The following BRD3 variants were observed in gnomAD, a reference collection of about 807,000 sequenced individuals.
The protein encoded by BRD3 is bromodomain containing 3.
A neutral mutation model predicts 66.8 loss-of-function variants in BRD3; 17 were observed. The observed-to-expected ratio is 0.25, with a 90% confidence interval of 0.17 to 0.38. The LOEUF is 0.38. Among genes scored for constraint, BRD3 ranks in the 10% least tolerant of loss-of-function variants. BRD3 has a pLI of 1.00. For missense variants in BRD3, 713 were observed against 956.1 expected (o/e 0.75, Z 3.35); for synonymous variants, 421 against 393.2 (o/e 1.07, Z -0.84).
chr9:134,042,660 CACACACACACATAT>C (rs1588279711), intron 7 of BRD3, among the ~76,000 whole-genome samples: 4 of 147,616 alleles, frequency 2.7e-5, no homozygotes, highest in South Asian at 4.6e-4. Flanking sequence ...CACACACACA[CACACACACACATAT>C]ATATACACAC....
intron 1 of BRD3, among the ~76,000 whole-genome samples, chr9:134,059,822 C>T (rs1054858634): frequency 9.2e-5 from 14 of 152,208 alleles, no homozygotes; most frequent in African/African-American, 2.4e-4. Context: ...GCAAGGCCCC[C>T]TCAGGAAGGC....
At chr9:134,065,625 GC>G (rs1434689543) in intron 1 of BRD3, among the ~76,000 whole-genome samples, 1 of 152,154 alleles carries the variant, frequency 6.6e-6, no homozygotes, top group Non-Finnish European at 1.5e-5. Context: ...GGAAGAGTAG[GC>G]CCCGGTTCCC....
chr9:134,061,014 A>T (rs2519080), intron 1 of BRD3, among the ~76,000 whole-genome samples: 1 of 152,268 alleles, frequency 6.6e-6, no homozygotes, highest in South Asian at 2.1e-4. Flanking sequence ...GTGGACAAAC[A>T]GGGAGGGAAT....
Position 134,053,406 on chromosome 9 carries a change from C to CGCG in BRD3, c.71_72insCGC (p.Pro24_Glu25insAla). On this transcript the variant is annotated inframe_insertion, in exon 2 of 12. Coordinates refer to ENST00000303407, the MANE Select transcript of BRD3 (RefSeq NM_007371.4). ...CGGGCTTGCTGGGGTTGGAGACCTC[C>CGCG]GGGGGGGGTGGGTTCACAGGGCCCG... 1.2e-6 allele frequency: 1 copy of CGCG among 824,408 alleles called. No individual in the cohort carries two copies. The highest frequency in any genetic ancestry group is 1.8e-6 in the Non-Finnish European group (1 of 543,348). The allele number at this position is 824,408 out of a possible 1,614,324, so 51.1% of individuals were successfully genotyped here. A position where few individuals can be genotyped will look rare whatever the true frequency, so the allele number is the denominator to read the frequency against.
intron 3 of BRD3, among the ~76,000 whole-genome samples, 176 bp from the exon 4 acceptor site, chr9:134,051,885 TTTTG>T (rs375948796): frequency 4.1e-4 from 22 of 53,186 alleles, no homozygotes; most frequent in Non-Finnish European, 5.0e-4. Flanking sequence ...GTGTTGTTTT[TTTTG>T]TTTTTTTTTT....
At chr9:134,060,664 G>A (rs1166238661) in intron 1 of BRD3, among the ~76,000 whole-genome samples, 3 of 152,040 alleles carry the variant, frequency 2.0e-5, no homozygotes, top group Non-Finnish European at 2.9e-5. Context: ...CCAGCGGGGA[G>A]AGGGCAGTGG....
intron 1 of BRD3, among the ~76,000 whole-genome samples, chr9:134,066,919 G>A (rs1830671734): frequency 6.6e-6 from 1 of 152,180 alleles, no homozygotes. Context: ...CCTGCCCCCG[G>A]TGGGTCTCGG....
intron 9 of BRD3, chr9:134,036,566 A>C: frequency 2.5e-6 from 4 of 1,611,078 alleles, no homozygotes; most frequent in Non-Finnish European, 3.4e-6. Flanking sequence ...TAGGCGTCTC[A>C]AACTCCACAG....
At chr9:134,034,068 C>T (rs977319489) in intron 11 of BRD3, among the ~76,000 whole-genome samples, 1 of 152,112 alleles carries the variant, frequency 6.6e-6, no homozygotes, top group Non-Finnish European at 1.5e-5. Context: ...GGAGACAGAC[C>T]CCTTCAGCGG....
chr9:134,050,434 G>A lies in BRD3; in HGVS notation c.654C>T (p.Ala218=), dbSNP rs1830266369. 7 of 1,612,236 alleles carry A rather than the reference G, an allele frequency of 4.3e-6. No homozygotes were observed. Among genetic ancestry groups the A allele is most frequent in the South Asian group, 1.1e-5 (1 of 90,948 alleles). Residue 218 remains alanine, a synonymous_variant, in exon 5 of 12, where the codon GCC becomes GCT. Coordinates refer to ENST00000303407, the MANE Select transcript of BRD3 (RefSeq NM_007371.4). ...VTSVPVPPAA[A]PPPPATPIVP... ...CGATGGGTGTGGCAGGAGGAGGTGG[G>A]GCGGCAGCTGGGGGGACTGGGACCG...
In BRD3 at chr9:134,045,311, G is replaced by A; in HGVS notation, c.1197C>T (p.Ala399=). The A allele has an allele frequency of 6.2e-7, 1 of 1,613,506 alleles. No individual in the cohort carries two copies. Residue 399 remains alanine (A), a synonymous_variant, in exon 7 of 12, where the codon GCC becomes GCT. Transcript: ENST00000303407. This position sits in a 1 kb window ranked among gnomAD's most constrained non-coding sequence, Gnocchi z 4.8. The part of the protein sequence containing the change: ...KYNPPDHEVV[A]MARKLQDVFE... The stretch of plus-strand genomic sequence containing the variant: ...GGGTTACCTGGAGCTTCCGGGCCAT[G>A]GCCACAACCTCGTGGTCTGGGGGAT...
In BRD3 at chr9:134,032,072, G is replaced by A. The variant is rs1003510175; in HGVS notation, c.*1518C>T. 1 of 218,910 alleles carries A rather than the reference G, an allele frequency of 4.6e-6. No homozygotes were observed. The highest frequency in any genetic ancestry group is 2.3e-5 in the African/African-American group (1 of 44,352). 13.6% of individuals were successfully genotyped at this position (218,910 alleles called of 1,614,324 possible). On this transcript the variant is annotated 3_prime_UTR_variant, in exon 12 of 12. Coordinates refer to ENST00000303407, the MANE Select transcript of BRD3 (RefSeq NM_007371.4). ...AGCAGGCATGTCCACCCGCAAGCCT[G>A]GGAGGCTAACTCTGGCATTCCTGGC...
At chr9:134,062,438 A>C (rs972113587) in intron 1 of BRD3, among the ~76,000 whole-genome samples, 3 of 152,130 alleles carry the variant, frequency 2.0e-5, no homozygotes, top group Non-Finnish European at 4.4e-5. Context: ...TGCACCCACC[A>C]GTGCCTTCTA....
At chr9:134,037,867 T>G (rs1186487520) in intron 9 of BRD3, among the ~76,000 whole-genome samples, 1 of 152,122 alleles carries the variant, frequency 6.6e-6, no homozygotes, top group Non-Finnish European at 1.5e-5. Flanking sequence ...AATAAAAGGC[T>G]AATAGAGAAA....
chr9:134,052,674 G>C (rs1033271319), intron 2 of BRD3, among the ~76,000 whole-genome samples: 3 of 152,206 alleles, frequency 2.0e-5, no homozygotes, highest in African/African-American at 7.2e-5. Flanking sequence ...GGAGCCCACG[G>C]AGTTAGGGCA....
At position 134,030,369 on chromosome 9, in the gene BRD3, C is replaced by G. The variant is rs1459718339; in HGVS notation, c.*3221G>C. 1.9e-5 allele frequency: 3 copies of G among 154,594 alleles called. No homozygotes were observed. In the East Asian group the frequency reaches 3.7e-4, roughly 19 times the overall value. 9.6% of individuals were successfully genotyped at this position (154,594 alleles called of 1,614,324 possible). A position where few individuals can be genotyped will look rare whatever the true frequency, so the allele number is the denominator to read the frequency against. ...AAAACAAATGCCCCAGGAGAAGGGT[C>G]CATGATTACCAGAAACATCAAAGAG... On this transcript the variant is annotated 3_prime_UTR_variant, in exon 12 of 12. Transcript: ENST00000303407.
Position 134,041,863 on chromosome 9 carries a change from T to C in BRD3, c.1304A>G (p.Lys435Arg), listed in dbSNP as rs1433157657. ...LPAPAAPMVS[K>R]GAESSRSSEE... Reference sequence around the variant, plus strand: ...ACTGCTACGGCTGCTCTCAGCGCCCTTGCTCACCATGGGGGCCGCGGGGGC... The same window carrying C: ...ACTGCTACGGCTGCTCTCAGCGCCCCTGCTCACCATGGGGGCCGCGGGGGC... Residue 435 changes from lysine (K) to arginine (R), a missense_variant, in exon 8 of 12, where the codon AAG becomes AGG. Lys to Arg is a conservative substitution (Grantham distance 26). Around this residue, in one of 5 missense-constraint regions of BRD3, gnomAD observed 418 missense variants for 609.3 expected, o/e 0.69. Coordinates refer to ENST00000303407, the MANE Select transcript of BRD3 (RefSeq NM_007371.4). 6.2e-7 allele frequency: 1 copy of C among 1,612,698 alleles called. No homozygotes were observed. The highest frequency in any genetic ancestry group is 8.5e-7 in the Non-Finnish European group (1 of 1,179,660).
chr9:134,051,847 A>ATGTGTGTGTGTGTGTGTGTG lies in BRD3; in HGVS notation c.352-158_352-139dup, dbSNP rs752502651. 7.9e-6 allele frequency: 4 copies of ATGTGTGTGTGTGTGTGTGTG among 508,060 alleles called. No individual in the cohort carries two copies. The African/African-American group carries it at 1.3e-4, about 17-fold the overall frequency. 31.5% of individuals were successfully genotyped at this position (508,060 alleles called of 1,614,324 possible). ...GCGCAGGAGAGAACAAAATGAATAT[A>ATGTGTGTGTGTGTGTGTGTG]TGTGTGTGTGTGTGTGTGTGTGTGT... On this transcript the variant is annotated intron_variant, in intron 3 of 11. Transcript: ENST00000303407.
chr9:134,033,277 A>G lies in BRD3; in HGVS notation c.*313T>C, dbSNP rs1423308193. On this transcript the variant is annotated 3_prime_UTR_variant, in exon 12 of 12. Transcript: ENST00000303407. This position sits in a 1 kb window ranked among gnomAD's most constrained non-coding sequence, Gnocchi z 5.1. ...TTGGGCCTAAGCAAAGGGATTCCAC[A>G]AGGTTCTTCGGTACGAATCTCACAC... The G allele has an allele frequency of 4.7e-6, 2 of 423,206 alleles. No individual in the cohort carries two copies. The highest frequency in any genetic ancestry group is 8.3e-6 in the Non-Finnish European group (2 of 240,742). 26.2% of individuals were successfully genotyped at this position (423,206 alleles called of 1,614,324 possible). A position where few individuals can be genotyped will look rare whatever the true frequency, so the allele number is the denominator to read the frequency against.
Sources: allele counts gnomAD v4.1 joint callset (sites outside exome capture counted in the v4.1 genomes callset), GRCh38; gene constraint gnomAD v4.1.1; regional missense constraint gnomAD v4.1.1; non-coding constraint Gnocchi (gnomAD v3.1); transcripts MANE v1.5; gene names NCBI Gene and HGNC (gene_info 2026-07-23, HGNC 2026-07-21).